The following MACROD2 variants were observed in gnomAD, a reference collection of about 807,000 sequenced individuals.
MACROD2 encodes ADP-ribose glycohydrolase MACROD2.
MACROD2 carries 36 observed loss-of-function variants against 70.4 expected under a neutral mutation model. The ratio of observed to expected loss-of-function variants is 0.51; its 90% CI spans 0.39 to 0.68. The LOEUF (loss-of-function observed/expected upper bound fraction) is 0.68. MACROD2 is among the 30% of genes least tolerant of loss of function. The pLI, the probability that MACROD2 is intolerant of heterozygous loss-of-function variation, is 0.00. For synonymous variants in MACROD2, 172 were observed against 178.8 expected, an observed-to-expected ratio of 0.96 and a Z score of 0.30; for missense variants, 496 against 538.4, an observed-to-expected ratio of 0.92 and a Z score of 0.78.
At chr20:15,724,016 A>G (rs934184331) in intron 8 of MACROD2, among the ~76,000 whole-genome samples, 1 of 152,080 alleles carries the variant, frequency 6.6e-6, no homozygotes, top group African/African-American at 2.4e-5. Context: ...TTTATTTCAT[A>G]TTTACCTGAT....
At chr20:14,780,096 A>G (rs997849672) in intron 5 of MACROD2, among the ~76,000 whole-genome samples, 5 of 152,116 alleles carry the variant, frequency 3.3e-5, no homozygotes, top group Admixed American at 6.5e-5. Context: ...AGTGATGGCG[A>G]GTGCCTATAG....
Position 15,740,919 on chromosome 20 carries a change from T to C in MACROD2, c.646-121826T>C, listed in dbSNP as rs866126743. Among the ~76,000 whole-genome samples the C allele has an allele frequency of 5.5e-4, 84 of 152,136 alleles. 1 individual carries two copies. Among genetic ancestry groups the C allele is most frequent in the African/African-American group, 1.9e-3 (78 of 41,516 alleles). ...CGCGTGCTATCCTCTACAACACCTGTGCCATCTCTTTCCTCCCAGTCTCCT... is the reference window on the plus strand; with the variant it reads ...CGCGTGCTATCCTCTACAACACCTGCGCCATCTCTTTCCTCCCAGTCTCCT... On this transcript the variant is annotated intron_variant, in intron 8 of 17. Transcript: ENST00000684519.
intron 6 of MACROD2, among the ~76,000 whole-genome samples, chr20:15,314,405 A>G (rs2077786928): frequency 6.6e-6 from 1 of 152,250 alleles, no homozygotes; most frequent in African/African-American, 2.4e-5. Flanking sequence ...AACCTGGGCA[A>G]CATGGCAAGA....
chr20:14,957,235 C>T (rs2074545042), intron 5 of MACROD2, among the ~76,000 whole-genome samples: 1 of 151,694 alleles, frequency 6.6e-6, no homozygotes, highest in African/African-American at 2.4e-5. Context: ...ATATATATGC[C>T]ATTCATTTTC....
intron 5 of MACROD2, among the ~76,000 whole-genome samples, chr20:14,712,318 C>T (rs1217441135): frequency 6.6e-6 from 1 of 152,070 alleles, no homozygotes; most frequent in East Asian, 1.9e-4. Context: ...AGAAAGCAGC[C>T]AAAGTGGACT....
chr20:15,672,164 A>T (rs938631839), intron 8 of MACROD2, among the ~76,000 whole-genome samples: 25 of 152,248 alleles, frequency 1.6e-4, no homozygotes, highest in Admixed American at 1.6e-3. Flanking sequence ...GTCTGTGCTT[A>T]TGAATCGTCT....
intron 5 of MACROD2, among the ~76,000 whole-genome samples, chr20:15,179,504 G>T (rs6110542): frequency 6.6e-6 from 1 of 152,064 alleles, no homozygotes; most frequent in Non-Finnish European, 1.5e-5. Flanking sequence ...GCCCTAAAAA[G>T]GTGGCATCTG....
At chr20:16,034,519 G>A (rs901716776) in intron 15 of MACROD2, among the ~76,000 whole-genome samples, 2 of 151,918 alleles carry the variant, frequency 1.3e-5, no homozygotes, top group African/African-American at 2.4e-5. Flanking sequence ...TCTTCCATCC[G>A]AGCTTGGGAG....
intron 7 of MACROD2, among the ~76,000 whole-genome samples, chr20:15,442,172 G>C (rs1040967891): frequency 3.3e-5 from 5 of 152,104 alleles, no homozygotes; most frequent in Non-Finnish European, 7.4e-5. Flanking sequence ...AAAATAATTT[G>C]ACAGGTCTTA....
At chr20:15,465,149 GC>G (rs1214996005) in intron 7 of MACROD2, among the ~76,000 whole-genome samples, 4 of 152,124 alleles carry the variant, frequency 2.6e-5, no homozygotes, top group Admixed American at 2.6e-4. Context: ...AATGAGATTT[GC>G]CACATTTATA....
At chr20:14,107,288 A>G (rs937352799) in intron 3 of MACROD2, among the ~76,000 whole-genome samples, 3 of 152,216 alleles carry the variant, frequency 2.0e-5, no homozygotes, top group African/African-American at 7.2e-5. Context: ...TTAATAGCAG[A>G]ATTGATCCAG....
chr20:15,744,720 ACACACACACACACACAC>A (rs1478742699), intron 8 of MACROD2, among the ~76,000 whole-genome samples: 1 of 151,714 alleles, frequency 6.6e-6, no homozygotes, highest in Non-Finnish European at 1.5e-5. Flanking sequence ...ACACACACAC[ACACACACACACACACAC>A]TACACACAAG....
intron 5 of MACROD2, among the ~76,000 whole-genome samples, chr20:15,227,416 C>T (rs1423976417): frequency 6.6e-6 from 1 of 151,798 alleles, no homozygotes; most frequent in East Asian, 1.9e-4. Flanking sequence ...ATCTCTAAGC[C>T]TCTTCTTTAC....
At chr20:14,005,298 A>G (rs1464985028) in intron 2 of MACROD2, among the ~76,000 whole-genome samples, 1 of 151,862 alleles carries the variant, frequency 6.6e-6, no homozygotes, top group Non-Finnish European at 1.5e-5. Context: ...AAAAACAAAA[A>G]CCCCATCCAG....
At chr20:14,221,861 A>G (rs1370482554) in intron 3 of MACROD2, among the ~76,000 whole-genome samples, 1 of 152,260 alleles carries the variant, frequency 6.6e-6, no homozygotes, top group African/African-American at 2.4e-5. Context: ...CAAATGGACA[A>G]CAAGCATACA....
chr20:14,297,764 AG>A (rs1259360290), intron 3 of MACROD2, among the ~76,000 whole-genome samples: 2 of 152,094 alleles, frequency 1.3e-5, no homozygotes, highest in East Asian at 3.9e-4. Context: ...CCACTGATGA[AG>A]GCCACTAACA....
Position 15,149,677 on chromosome 20 carries a change from AG to A in MACROD2, c.419-80262del, listed in dbSNP as rs1457663794. Among the ~76,000 whole-genome samples, 5 of 152,176 alleles carry A rather than the reference AG, an allele frequency of 3.3e-5. No individual in the cohort carries two copies. In the East Asian group the frequency reaches 7.7e-4, roughly 23 times the overall value. ...GTTTGTGATTTTAAGGGCCTCTAAA[AG>A]TATTAGGGCGGCAGCAGCTGCTGCA... On this transcript the variant is annotated intron_variant, in intron 5 of 17. Coordinates refer to ENST00000684519, the MANE Select transcript of MACROD2 (RefSeq NM_001351661.2).
chr20:14,207,882 A>G (rs1054866741), intron 3 of MACROD2, among the ~76,000 whole-genome samples: 2 of 152,218 alleles, frequency 1.3e-5, no homozygotes, highest in African/African-American at 4.8e-5. Context: ...TGCAAGGTAC[A>G]TGTAGTGAGT....
intron 4 of MACROD2, among the ~76,000 whole-genome samples, chr20:14,668,217 T>A (rs2070757650): frequency 6.6e-6 from 1 of 151,938 alleles, no homozygotes; most frequent in Admixed American, 6.6e-5. Context: ...AAACTTTGTG[T>A]AGCGTCCTTT....
Sources: allele counts gnomAD v4.1 joint callset (sites outside exome capture counted in the v4.1 genomes callset), GRCh38; gene constraint gnomAD v4.1.1; transcripts MANE v1.5; gene names NCBI Gene and HGNC (gene_info 2026-07-23, HGNC 2026-07-21).